The following THSD7B variants were observed in gnomAD, a reference collection of about 807,000 sequenced individuals.
The protein encoded by THSD7B is thrombospondin type-1 domain-containing protein 7B.
In THSD7B, 138 loss-of-function variants were observed where a neutral mutation model predicts 213.6. That is an observed-to-expected ratio of 0.65 (90% CI 0.56 to 0.74). The LOEUF is 0.74. Ranked by LOEUF, THSD7B falls within the 30% of genes least tolerant of loss-of-function variation. The pLI is 0.00. For missense variants in THSD7B, 1,931 were observed against 1,991.5 expected, an observed-to-expected ratio of 0.97 and a Z score of 0.58; for synonymous variants, 742 against 687.0, an observed-to-expected ratio of 1.08 and a Z score of -1.25.
chr2:137,552,248 AC>A (rs1680864546), intron 15 of THSD7B, among the ~76,000 whole-genome samples: 1 of 152,146 alleles, frequency 6.6e-6, no homozygotes, highest in African/African-American at 2.4e-5. Flanking sequence ...TTTATAGGCA[AC>A]TTTGAAAATT....
intron 3 of THSD7B, among the ~76,000 whole-genome samples, chr2:137,070,802 A>G (rs1418644227): frequency 6.6e-6 from 1 of 152,022 alleles, no homozygotes; most frequent in Non-Finnish European, 1.5e-5. Flanking sequence ...TATGCGTGAG[A>G]ACATGCGGTG....
intron 2 of THSD7B, among the ~76,000 whole-genome samples, chr2:136,976,184 G>C (rs1685478817): frequency 6.6e-6 from 1 of 152,094 alleles, no homozygotes; most frequent in African/African-American, 2.4e-5. Flanking sequence ...TGATTTCCTT[G>C]TCCAGAACTT....
At chr2:137,365,686 A>G (rs1258607649) in intron 12 of THSD7B, among the ~76,000 whole-genome samples, 2 of 152,204 alleles carry the variant, frequency 1.3e-5, no homozygotes, top group South Asian at 2.1e-4. Flanking sequence ...CAAAACCACA[A>G]TGAGATACCA....
chr2:137,566,116 T>A (rs934511858), intron 16 of THSD7B, among the ~76,000 whole-genome samples: 3 of 152,188 alleles, frequency 2.0e-5, no homozygotes, highest in African/African-American at 7.2e-5. Flanking sequence ...ACCTTCCAAC[T>A]GTAGAGCATC....
intron 20 of THSD7B, among the ~76,000 whole-genome samples, chr2:137,631,187 G>A (rs982123918): frequency 6.6e-6 from 1 of 152,156 alleles, no homozygotes; most frequent in Non-Finnish European, 1.5e-5. Flanking sequence ...GAGAGAGACC[G>A]ATTCTAAGCT....
chr2:137,024,690 T>TAC (rs147887943), intron 2 of THSD7B, among the ~76,000 whole-genome samples: 3,051 of 151,340 alleles, frequency 0.02, 95 homozygotes, highest in African/African-American at 0.07. Flanking sequence ...GATAAAAGTG[T>TAC]ACACACACAC....
At chr2:136,821,855 C>T (rs1242689659) in intron 1 of THSD7B, among the ~76,000 whole-genome samples, 1 of 152,188 alleles carries the variant, frequency 6.6e-6, no homozygotes, top group African/African-American at 2.4e-5. Context: ...CTGTGGATCT[C>T]CTTGCTCTGT....
chr2:136,950,174 C>T (rs1434496322), intron 2 of THSD7B, among the ~76,000 whole-genome samples: 2 of 152,140 alleles, frequency 1.3e-5, no homozygotes, highest in Admixed American at 1.3e-4. Context: ...ATTGCTTGAA[C>T]CTGGAAGGCG....
chr2:137,105,518 C>A (rs920953348), intron 4 of THSD7B, among the ~76,000 whole-genome samples: 3 of 152,132 alleles, frequency 2.0e-5, no homozygotes, highest in African/African-American at 7.2e-5. Flanking sequence ...CCCTCTCTTA[C>A]CACTCCTATT....
At chr2:137,509,040 A>T (rs911840981) in intron 15 of THSD7B, among the ~76,000 whole-genome samples, 1 of 152,122 alleles carries the variant, frequency 6.6e-6, no homozygotes, top group African/African-American at 2.4e-5. Flanking sequence ...TAATTCCTGA[A>T]GGCAACCTGG....
chr2:137,635,224 G>A (rs917367950), intron 20 of THSD7B, among the ~76,000 whole-genome samples: 4 of 152,160 alleles, frequency 2.6e-5, no homozygotes, highest in African/African-American at 9.7e-5. Flanking sequence ...ATGAGTGCAC[G>A]AATAGAGAGT....
chr2:136,773,152 T>A (rs576522936), intron 1 of THSD7B, among the ~76,000 whole-genome samples: 1 of 152,026 alleles, frequency 6.6e-6, no homozygotes, highest in Admixed American at 6.6e-5. Flanking sequence ...AGTAACTACA[T>A]GTCAGGGTGC....
chr2:136,997,342 A>G (rs1685912456), intron 2 of THSD7B, among the ~76,000 whole-genome samples: 2 of 152,258 alleles, frequency 1.3e-5, no homozygotes, highest in African/African-American at 4.8e-5. Context: ...GTGTAAATAT[A>G]AGACAACATC....
At chr2:137,472,585 G>C (rs1316771088) in intron 15 of THSD7B, among the ~76,000 whole-genome samples, 1 of 152,122 alleles carries the variant, frequency 6.6e-6, no homozygotes, top group Admixed American at 6.5e-5. Flanking sequence ...GTCTGTTCTT[G>C]CATCAGTCTT....
intron 2 of THSD7B, among the ~76,000 whole-genome samples, chr2:136,891,693 A>C (rs1270118792): frequency 2.6e-5 from 4 of 152,174 alleles, no homozygotes; most frequent in African/African-American, 9.7e-5. Flanking sequence ...GGTCACAGGC[A>C]TTTCCATGTT....
chr2:136,899,486 G>A (rs2059975), intron 2 of THSD7B, among the ~76,000 whole-genome samples: 62,480 of 152,050 alleles, frequency 0.41, 14,499 homozygotes, highest in East Asian at 0.69. Context: ...TTCAGTAAAC[G>A]CACAAATCGG....
intron 16 of THSD7B, among the ~76,000 whole-genome samples, chr2:137,569,605 C>A (rs1681312561): frequency 6.6e-6 from 1 of 152,006 alleles, no homozygotes; most frequent in African/African-American, 2.4e-5. Flanking sequence ...TACTTGGTGC[C>A]ATGAATTCCA....
At chr2:137,250,601 C>T (rs2105072700) in intron 10 of THSD7B, among the ~76,000 whole-genome samples, 1 of 152,274 alleles carries the variant, frequency 6.6e-6, no homozygotes, top group African/African-American at 2.4e-5. Flanking sequence ...CAAATATTTG[C>T]TGAATGATCC....
rs1230782581 is a variant in THSD7B, at chr2:137,160,224, G to C, written c.1381G>C (p.Val461Leu). ...ALRAKEVSRP[V>L]EKALCVGPAP... ...TTTTTGTCCCTCAGTCTCTAGACCT[G>C]TGGAAAAGGCATTATGTGTGGGACC... is the stretch of plus-strand genomic sequence containing the variant. The change falls in exon 6 of 28, where the codon GTG becomes CTG. Residue 461 changes from valine (V) to leucine (L), a missense_variant. By Grantham distance (32) the Val-to-Leu change is conservative. Transcript: ENST00000409968. 6.2e-7 allele frequency: 1 copy of C among 1,613,164 alleles called. No individual in the cohort carries two copies. Among genetic ancestry groups the C allele is most frequent in the Non-Finnish European group, 8.5e-7 (1 of 1,179,464 alleles).
Sources: allele counts gnomAD v4.1 joint callset (sites outside exome capture counted in the v4.1 genomes callset), GRCh38; gene constraint gnomAD v4.1.1; transcripts MANE v1.5; gene names NCBI Gene and HGNC (gene_info 2026-07-23, HGNC 2026-07-21).